The following CTNNA3 variants were observed in gnomAD, a reference collection of about 807,000 sequenced individuals.
CTNNA3 encodes catenin alpha-3.
In CTNNA3, 76 loss-of-function variants were observed where a neutral mutation model predicts 95.7. That is an observed-to-expected ratio of 0.79 (90% CI 0.66 to 0.96). CTNNA3 has a LOEUF of 0.96. Ranked by LOEUF, CTNNA3 falls within the 40% of genes least tolerant of loss-of-function variation. CTNNA3 has a pLI of 0.00. For missense variants in CTNNA3, 1,191 were observed against 1,089.8 expected (o/e 1.09, Z -1.31); for synonymous variants, 431 against 374.4 (o/e 1.15, Z -1.74).
intron 9 of CTNNA3, among the ~76,000 whole-genome samples, chr10:66,635,142 C>A (rs1346796675): frequency 6.6e-6 from 1 of 152,062 alleles, no homozygotes; most frequent in Non-Finnish European, 1.5e-5. Context: ...CTATTATTCA[C>A]CTCAGAATCA....
At chr10:66,677,421 T>G (rs977121306) in intron 9 of CTNNA3, among the ~76,000 whole-genome samples, 3 of 151,608 alleles carry the variant, frequency 2.0e-5, no homozygotes, top group African/African-American at 7.3e-5. Flanking sequence ...TTAATCAGAC[T>G]CAATAGATAT....
chr10:65,958,488 G>T (rs1216666440), intron 17 of CTNNA3, among the ~76,000 whole-genome samples: 1 of 152,142 alleles, frequency 6.6e-6, no homozygotes, highest in African/African-American at 2.4e-5. Context: ...AGAATTTTCA[G>T]CTTTTCTGCT....
In CTNNA3 at chr10:66,178,025, C is replaced by A. The variant is rs1168778079; in HGVS notation, c.1885-74776G>T. On this transcript the variant is annotated intron_variant, in intron 13 of 17. Coordinates refer to ENST00000433211, the MANE Select transcript of CTNNA3 (RefSeq NM_013266.4). Reference sequence around the variant, plus strand: ...TGAAGTAATGTTTATGCCTAGCTAACATTTTTTATTTTTAATGATATGATA... The same window carrying A: ...TGAAGTAATGTTTATGCCTAGCTAAAATTTTTTATTTTTAATGATATGATA... Among the ~76,000 whole-genome samples the A allele has an allele frequency of 2.0e-5, 3 of 151,650 alleles. No homozygotes were observed. The East Asian group carries it at 5.8e-4, about 29-fold the overall frequency.
intron 9 of CTNNA3, among the ~76,000 whole-genome samples, chr10:66,696,434 A>G (rs1847766594): frequency 6.6e-6 from 1 of 152,190 alleles, no homozygotes; most frequent in South Asian, 2.1e-4. Flanking sequence ...AATATGTCAT[A>G]AACACCTCTT....
At chr10:66,199,135 T>C (rs1231151616) in intron 13 of CTNNA3, among the ~76,000 whole-genome samples, 5 of 152,176 alleles carry the variant, frequency 3.3e-5, no homozygotes, top group Admixed American at 3.3e-4. Flanking sequence ...ATTTCTAAAT[T>C]GGCACTAGAT....
rs536005010 is a variant in CTNNA3, at chr10:66,209,628, A to G, written c.1884+70842T>C. On this transcript the variant is annotated intron_variant, in intron 13 of 17. Coordinates refer to ENST00000433211, the MANE Select transcript of CTNNA3 (RefSeq NM_013266.4). The stretch of plus-strand genomic sequence containing the variant: ...AAAATAGAGTAGAAAACGCAGTCAG[A>G]GATTACAAGGATCTTAGAAGACATG... Among the ~76,000 whole-genome samples, 5 of 152,278 alleles carry G rather than the reference A, an allele frequency of 3.3e-5. No homozygotes were observed. The East Asian group carries it at 9.7e-4, about 29-fold the overall frequency.
At chr10:67,594,527 T>C (rs542942704) in intron 3 of CTNNA3, among the ~76,000 whole-genome samples, 154 of 152,270 alleles carry the variant, frequency 1.0e-3, no homozygotes, top group Non-Finnish European at 1.9e-3. Flanking sequence ...CTAGGTTTTC[T>C]AGTTTATGTG....
intron 6 of CTNNA3, among the ~76,000 whole-genome samples, chr10:67,193,158 A>G (rs935053274): frequency 6.6e-6 from 1 of 151,978 alleles, no homozygotes; most frequent in Non-Finnish European, 1.5e-5. Flanking sequence ...ACTTTCAGTT[A>G]TAAGATAAAT....
intron 12 of CTNNA3, among the ~76,000 whole-genome samples, chr10:66,356,348 AG>A (rs1269059496): frequency 6.6e-6 from 1 of 151,816 alleles, no homozygotes; most frequent in Non-Finnish European, 1.5e-5. Flanking sequence ...CCATTTTTTA[AG>A]GTCTTCTTTA....
At chr10:67,400,763 T>C (rs1309651305) in intron 5 of CTNNA3, among the ~76,000 whole-genome samples, 1 of 152,208 alleles carries the variant, frequency 6.6e-6, no homozygotes, top group Non-Finnish European at 1.5e-5. Context: ...TGTAATTTAA[T>C]GTCTTACAGG....
intron 5 of CTNNA3, among the ~76,000 whole-genome samples, chr10:67,230,867 G>C (rs570553674): frequency 6.6e-6 from 1 of 152,220 alleles, no homozygotes; most frequent in African/African-American, 2.4e-5. Context: ...CTCGGGAAGC[G>C]CAGGGGGTCA....
At chr10:66,094,845 T>C (rs915395973) in intron 14 of CTNNA3, among the ~76,000 whole-genome samples, 1 of 152,098 alleles carries the variant, frequency 6.6e-6, no homozygotes, top group Non-Finnish European at 1.5e-5. Context: ...ATAGTGGAGA[T>C]GGTGAAAAAT....
intron 11 of CTNNA3, among the ~76,000 whole-genome samples, chr10:66,471,653 TA>T (rs1344738368): frequency 6.6e-6 from 1 of 151,900 alleles, no homozygotes; most frequent in Non-Finnish European, 1.5e-5. Context: ...ATAATTTAAT[TA>T]ACAACATATG....
At chr10:66,158,614 T>G (rs1010306283) in intron 13 of CTNNA3, among the ~76,000 whole-genome samples, 4 of 152,160 alleles carry the variant, frequency 2.6e-5, no homozygotes, top group African/African-American at 9.6e-5. Flanking sequence ...TTGCTTAGTC[T>G]TGCTTTGGCT....
intron 5 of CTNNA3, among the ~76,000 whole-genome samples, chr10:67,337,361 T>G (rs1263031158): frequency 6.6e-6 from 1 of 152,180 alleles, no homozygotes; most frequent in Non-Finnish European, 1.5e-5. Flanking sequence ...TATGGGTAAT[T>G]GCTGCAATCT....
intron 13 of CTNNA3, among the ~76,000 whole-genome samples, chr10:66,106,554 G>A (rs543374443): frequency 6.6e-6 from 1 of 152,004 alleles, no homozygotes; most frequent in African/African-American, 2.4e-5. Flanking sequence ...ATAAAATTCG[G>A]ATAATAATAC....
chr10:67,228,836 T>C (rs1865058737), intron 5 of CTNNA3, among the ~76,000 whole-genome samples: 1 of 151,928 alleles, frequency 6.6e-6, no homozygotes, highest in African/African-American at 2.4e-5. Flanking sequence ...AATTAATAAA[T>C]TACCAACAAA....
chr10:66,619,139 G>A (rs1169264557), intron 10 of CTNNA3, among the ~76,000 whole-genome samples: 2 of 151,534 alleles, frequency 1.3e-5, no homozygotes, highest in Non-Finnish European at 2.9e-5. Flanking sequence ...CAACCATTGT[G>A]GAAGTCAGTG....
chr10:67,466,069 T>C (rs1211235966), intron 5 of CTNNA3, among the ~76,000 whole-genome samples: 1 of 152,220 alleles, frequency 6.6e-6, no homozygotes, highest in Non-Finnish European at 1.5e-5. Context: ...TCAAAACTTA[T>C]TTTGGAGTTA....
Sources: gnomAD v4.1 joint callset for allele counts (sites outside exome capture counted in the v4.1 genomes callset) on GRCh38, gnomAD v4.1.1 for gene constraint, MANE v1.5 for transcripts, NCBI Gene and HGNC (gene_info 2026-07-23, HGNC 2026-07-21) for gene names.